LCN15: variants seen among roughly 807,000 people sequenced by gnomAD.
LCN15 encodes the protein lipocalin-15.
Under a neutral mutation model 23.1 loss-of-function variants are expected in LCN15, and 26 were observed. The ratio of observed to expected loss-of-function variants is 1.13; its 90% CI spans 0.82 to 1.56. The LOEUF (loss-of-function observed/expected upper bound fraction) is 1.56. Among genes scored for constraint, LCN15 ranks in the 40% most tolerant of loss-of-function variants. The pLI is 0.00. For synonymous variants in LCN15, 107 were observed against 98.3 expected (o/e 1.09, Z -0.52); for missense variants, 241 against 239.5 (o/e 1.01, Z -0.04).
chr9:136,760,642 TA>T (rs1847306938), intron 6 of LCN15, among the ~76,000 whole-genome samples: 4 of 152,200 alleles, frequency 2.6e-5, no homozygotes, highest in Admixed American at 6.5e-5. Flanking sequence ...GCGTCTGGTT[TA>T]GGGGGGGATC....
At chr9:136,762,351 TG>T in intron 4 of LCN15, 62 bp from the exon 5 acceptor site, 1 of 949,676 alleles carries the variant, frequency 1.1e-6, no homozygotes, top group Non-Finnish European at 1.7e-6. Flanking sequence ...CGGGGTCTCC[TG>T]GCCTCACTCC....
intron 6 of LCN15, among the ~76,000 whole-genome samples, chr9:136,760,598 G>A (rs777951089): frequency 1.5e-4 from 23 of 152,324 alleles, no homozygotes; most frequent in African/African-American, 4.8e-4. Flanking sequence ...GATTCTTGGC[G>A]GTGAGCCCCG....
At chr9:136,764,075 C>G (rs577211985) in intron 1 of LCN15, 66 bp from the exon 2 acceptor site, 1 of 1,581,748 alleles carries the variant, frequency 6.3e-7, no homozygotes, top group Admixed American at 1.7e-5. Flanking sequence ...GCCCAGGGAC[C>G]CAGGGGACAA....
Position 136,763,455 on chromosome 9 carries a change from A to G in LCN15, c.320T>C (p.Leu107Pro). The G allele has an allele frequency of 1.9e-6, 3 of 1,605,652 alleles. No homozygotes were observed. Among genetic ancestry groups the G allele is most frequent in the South Asian group, 1.1e-5 (1 of 90,314 alleles). Reference protein sequence around the residue: ...GHFRVPALGYLDVRIVDTDYS... With the variant: ...GHFRVPALGYPDVRIVDTDYS... ...GTCTGTGTCCACGATGCGCACGTCC[A>G]GGTAGCCCAAGGCTGCGGAGAGGCA... The change falls in exon 4 of 7, where the codon CTG (leucine) becomes CCG (proline). Residue 107 changes from leucine to proline, a missense_variant. Transcript: ENST00000316144.
chr9:136,764,359 C>T, intron 1 of LCN15, 34 bp downstream of exon 1: 1 of 1,576,128 alleles, frequency 6.3e-7, no homozygotes, highest in Non-Finnish European at 8.7e-7. Context: ...GGCCCAGCTC[C>T]CACCCACCAC....
chr9:136,762,363 A>G (rs1000142633), intron 4 of LCN15, 74 bp from the exon 5 acceptor site: 16 of 867,900 alleles, frequency 1.8e-5, no homozygotes, highest in Non-Finnish European at 2.6e-5. Flanking sequence ...GCCTCACTCC[A>G]CCAGCCTGAG....
intron 6 of LCN15, among the ~76,000 whole-genome samples, chr9:136,760,746 G>T (rs918008639): frequency 2.0e-5 from 3 of 152,234 alleles, no homozygotes; most frequent in African/African-American, 7.2e-5. Context: ...AGAAGACAAG[G>T]CTCCCACAAT....
At chr9:136,762,922 T>TTA (rs1554764182) in intron 4 of LCN15, among the ~76,000 whole-genome samples, 1 of 104,890 alleles carries the variant, frequency 9.5e-6, no homozygotes, top group Non-Finnish European at 1.8e-5. Context: ...GACTCCATAT[T>TTA]AAAAAAAAAA....
intron 5 of LCN15, 34 bp downstream of exon 5, chr9:136,762,154 G>C: frequency 7.7e-7 from 1 of 1,303,446 alleles, no homozygotes; most frequent in South Asian, 1.3e-5. Context: ...GGAGAGGCTG[G>C]GGGGCATGGG....
rs2131099095 is a variant in LCN15, at chr9:136,761,935, G to A, written c.521-82C>T. ...GCAGCCCCCAACCCCTGGGTGCCAA[G>A]GGCCACTGGACAGCTCCACCATCCC... On this transcript the variant is annotated intron_variant, in intron 5 of 6. Coordinates refer to ENST00000316144, the MANE Select transcript of LCN15 (RefSeq NM_203347.2). The surrounding 1 kb of genome is among the most constrained non-coding windows in gnomAD (Gnocchi z 4.2). 2 of 1,143,192 alleles carry A rather than the reference G, an allele frequency of 1.7e-6. No individual in the cohort carries two copies. The highest frequency in any genetic ancestry group is 6.4e-5 in the East Asian group (2 of 31,324). The allele number at this position is 1,143,192 out of a possible 1,614,324, so 70.8% of individuals were successfully genotyped here.
intron 4 of LCN15, 138 bp downstream of exon 4, chr9:136,763,219 G>A (rs1847339640): frequency 7.0e-6 from 4 of 571,704 alleles, no homozygotes; most frequent in South Asian, 4.3e-5. Context: ...CTAAAAGGCG[G>A]GGGGCGGAGG....
intron 4 of LCN15, 146 bp downstream of exon 4, chr9:136,763,211 A>C: frequency 1.8e-6 from 1 of 547,282 alleles, no homozygotes. Context: ...AACTCGGCCT[A>C]AAAGGCGGGG....
At position 136,762,245 on chromosome 9, in the gene LCN15, C is replaced by T. The variant is rs747634898; in HGVS notation, c.463G>A (p.Asp155Asn). The T allele has an allele frequency of 1.2e-6, 2 of 1,600,020 alleles. No homozygotes were observed. The highest frequency in any genetic ancestry group is 1.7e-6 in the Non-Finnish European group (2 of 1,173,810). Residue 155 changes from aspartate (D) to asparagine (N), a missense_variant, in exon 5 of 7, where the codon GAC becomes AAC. By Grantham distance (23) the Asp-to-Asn change is conservative. Coordinates refer to ENST00000316144, the MANE Select transcript of LCN15 (RefSeq NM_203347.2). ...VSPQALKSFQ[D>N]FYPTLGLPKD... The stretch of plus-strand genomic sequence containing the variant: ...GGGAGCCCCAGGGTCGGGTAGAAGT[C>T]CTGGAAGGACTTCAGAGCCTGGGGA...
chr9:136,761,247 T>G lies in LCN15; in HGVS notation c.*32+540A>C, dbSNP rs1234603308. The stretch of plus-strand genomic sequence containing the variant: ...TTCTGGCCTCCAGAACTGGGAGAGA[T>G]AAACGTCTGCTGGTTTTGTCTGTTT... On this transcript the variant is annotated intron_variant, in intron 6 of 6. Transcript: ENST00000316144. This position sits in a 1 kb window ranked among gnomAD's most constrained non-coding sequence, Gnocchi z 4.2. 6.6e-6 allele frequency among the ~76,000 whole-genome samples: 1 copy of G among 152,184 alleles called. No homozygotes were observed. Among genetic ancestry groups the G allele is most frequent in the African/African-American group, 2.4e-5 (1 of 41,448 alleles).
chr9:136,763,510 G>A, intron 3 of LCN15, 43 bp from the exon 4 acceptor site: 3 of 1,433,926 alleles, frequency 2.1e-6, no homozygotes, highest in Non-Finnish European at 2.9e-6. Flanking sequence ...AGAAGTGGAT[G>A]GGCCCGGGCA....
In LCN15 at chr9:136,761,803, TG is replaced by T; in HGVS notation, c.*15del. 7.9e-7 allele frequency: 1 copy of T among 1,262,486 alleles called. No homozygotes were observed. The highest frequency in any genetic ancestry group is 1.0e-6 in the Non-Finnish European group (1 of 1,002,364). 78.2% of individuals were successfully genotyped at this position (1,262,486 alleles called of 1,614,324 possible). ...AGAACCCACCTGGGAAGGGCGGGGG[TG>T]GGGCTCCGGAGGTGTCAGGGCGCCT... On this transcript the variant is annotated 3_prime_UTR_variant, in exon 6 of 7. Transcript: ENST00000316144. The surrounding 1 kb of genome is among the most constrained non-coding windows in gnomAD (Gnocchi z 4.2).
chr9:136,763,696 G>C lies in LCN15; in HGVS notation c.307+17C>G, dbSNP rs763345370. The C allele has an allele frequency of 6.2e-7, 1 of 1,612,614 alleles. No homozygotes were observed. Among genetic ancestry groups the C allele is most frequent in the Admixed American group, 1.7e-5 (1 of 59,986 alleles). On this transcript the variant is annotated intron_variant, in intron 3 of 6. Coordinates refer to ENST00000316144, the MANE Select transcript of LCN15 (RefSeq NM_203347.2). ...GCGGCATCCAGCACCCCTGAAGGCA[G>C]AGGAGGCAGGACCTACCCGGGACTC...
rs781563091 is a variant in LCN15 at position 136,764,426 on chromosome 9, C to T, written c.63G>A (p.Glu21=). The change falls in exon 1 of 7, where the codon GAG becomes GAA. Residue 21 remains glutamate (E), a synonymous_variant. Coordinates refer to ENST00000316144, the MANE Select transcript of LCN15 (RefSeq NM_203347.2). ...TLLWAPTAQA[E]VLLQPDFNAE... ...CATTGAAGTCAGGCTGCAGCAGAAC[C>T]TCAGCCTGAGCCGTGGGCGCCCAGA... 6.2e-7 allele frequency: 1 copy of T among 1,613,382 alleles called. No individual in the cohort carries two copies. Among genetic ancestry groups the T allele is most frequent in the Non-Finnish European group, 8.5e-7 (1 of 1,179,796 alleles).
rs765532947 is a variant in LCN15 at position 136,763,403 on chromosome 9, G to C, written c.372C>G (p.Ile124Met). ...TDYSSFAVLYIYKELEGALST... is the reference protein window; with the variant it reads ...TDYSSFAVLYMYKELEGALST... ...TGAGGGCCCCCTCCAGCTCCTTGTA[G>C]ATGTAAAGGACGGCGAAGGAGCTGT... The change falls in exon 4 of 7, where the codon ATC (isoleucine) becomes ATG (methionine). Residue 124 changes from isoleucine (I) to methionine (M), a missense_variant. By Grantham distance (10) the Ile-to-Met change is conservative. Transcript: ENST00000316144. 1.3e-5 allele frequency: 21 copies of C among 1,608,932 alleles called. No homozygotes were observed. The highest frequency in any genetic ancestry group is 2.2e-5 in the East Asian group (1 of 44,856).
Sources: allele counts gnomAD v4.1 joint callset (sites outside exome capture counted in the v4.1 genomes callset), GRCh38; gene constraint gnomAD v4.1.1; non-coding constraint Gnocchi (gnomAD v3.1); transcripts MANE v1.5; gene names NCBI Gene and HGNC (gene_info 2026-07-23, HGNC 2026-07-21).